FYB1: variants seen among roughly 807,000 people sequenced by gnomAD.
The protein encoded by FYB1 is FYN binding protein 1, also known as FYN-binding protein 1.
Under a neutral mutation model 94.1 loss-of-function variants are expected in FYB1, and 41 were observed. The observed-to-expected ratio is 0.44, with a 90% CI of 0.34 to 0.57. FYB1 has a LOEUF of 0.57. Ranked by LOEUF, FYB1 falls within the 20% of genes least tolerant of loss-of-function variation. The probability of loss-of-function intolerance (pLI) is 0.02; values close to 1 mark genes in which losing one functional copy is unlikely to be tolerated. For synonymous variants in FYB1, 367 were observed against 353.2 expected (o/e 1.04, Z -0.44); for missense variants, 1,050 against 976.8 (o/e 1.07, Z -1.00).
intron 2 of FYB1, among the ~76,000 whole-genome samples, chr5:39,183,598 G>A (rs1406901521): frequency 1.3e-5 from 2 of 152,120 alleles, no homozygotes; most frequent in Non-Finnish European, 2.9e-5. Context: ...TGGTTTACAG[G>A]AAGTTGTTTT....
At chr5:39,115,792 A>G (rs963626974) in intron 16 of FYB1, among the ~76,000 whole-genome samples, 2 of 152,190 alleles carry the variant, frequency 1.3e-5, no homozygotes, top group Non-Finnish European at 2.9e-5. Context: ...TAAGCAGATA[A>G]GGTGATTAAA....
At chr5:39,255,428 C>CTTTTTT (rs1751896083) in intron 1 of FYB1, among the ~76,000 whole-genome samples, 1 of 116,484 alleles carries the variant, frequency 8.6e-6, no homozygotes, top group African/African-American at 4.1e-5. Context: ...ATCCATTCAC[C>CTTTTTT]TGTTTTTTTT....
chr5:39,195,424 G>A (rs1279809218), intron 2 of FYB1, among the ~76,000 whole-genome samples: 2 of 152,196 alleles, frequency 1.3e-5, no homozygotes, highest in Admixed American at 6.5e-5. Flanking sequence ...GATAGCTTTG[G>A]GGCCTGTGAA....
At chr5:39,271,858 T>A (rs183552134) in intron 1 of FYB1, among the ~76,000 whole-genome samples, 3 of 152,032 alleles carry the variant, frequency 2.0e-5, no homozygotes, top group Non-Finnish European at 4.4e-5. Flanking sequence ...ACATGCTTAA[T>A]GAATGAATAG....
chr5:39,134,137 A>C, intron 9 of FYB1, 71 bp downstream of exon 9: 1 of 1,211,370 alleles, frequency 8.3e-7, no homozygotes, highest in Non-Finnish European at 1.2e-6. Context: ...GTAAAATTCT[A>C]GGATCTTAAT....
intron 2 of FYB1, among the ~76,000 whole-genome samples, chr5:39,163,583 T>A (rs924566590): frequency 1.3e-5 from 2 of 152,238 alleles, no homozygotes; most frequent in Non-Finnish European, 2.9e-5. Context: ...CTTTGTTGGT[T>A]ATTCAATTAT....
At chr5:39,273,224 T>TG (rs1752714556) in intron 1 of FYB1, among the ~76,000 whole-genome samples, 1 of 152,192 alleles carries the variant, frequency 6.6e-6, no homozygotes, top group South Asian at 2.1e-4. Context: ...GGGAAAAGAT[T>TG]GAGAAATCGG....
At chr5:39,265,245 G>T (rs577622228) in intron 1 of FYB1, among the ~76,000 whole-genome samples, 1 of 152,156 alleles carries the variant, frequency 6.6e-6, no homozygotes, top group African/African-American at 2.4e-5. Flanking sequence ...ATTCTGGGAG[G>T]CCGAGGCAGG....
intron 2 of FYB1, among the ~76,000 whole-genome samples, chr5:39,198,762 A>G (rs775391537): frequency 6.6e-5 from 10 of 152,110 alleles, no homozygotes; most frequent in Non-Finnish European, 1.3e-4. Context: ...GGTATATTAA[A>G]CGTGTTTTCA....
chr5:39,244,153 C>T (rs1289285239), intron 1 of FYB1, among the ~76,000 whole-genome samples: 6 of 152,150 alleles, frequency 3.9e-5, no homozygotes, highest in Middle Eastern at 3.4e-3. Flanking sequence ...TGCCTGATTG[C>T]CTTGGCCAGA....
chr5:39,225,535 C>T (rs1221406557), intron 1 of FYB1, among the ~76,000 whole-genome samples: 2 of 152,156 alleles, frequency 1.3e-5, no homozygotes, highest in African/African-American at 4.8e-5. Flanking sequence ...GTGGAGCTTT[C>T]TGAACCTTTT....
rs180957515 is a variant in FYB1 at position 39,251,064 on chromosome 5, T to C, written c.-28+23339A>G. 8.5e-4 allele frequency among the ~76,000 whole-genome samples: 130 copies of C among 152,304 alleles called. 3 individuals carry two copies. Among genetic ancestry groups the C allele is most frequent in the African/African-American group, 2.9e-3 (122 of 41,562 alleles). On this transcript the variant is annotated intron_variant, in intron 1 of 1. Coordinates refer to the FYB1 transcript ENST00000510188. ...TTATAGCAACCTTTGAGGATGATTA[T>C]ATTAGGAGAATATTTTACATGTCTT... is the stretch of plus-strand genomic sequence containing the variant.
At chr5:39,177,984 T>C (rs1338025996) in intron 2 of FYB1, among the ~76,000 whole-genome samples, 2 of 152,212 alleles carry the variant, frequency 1.3e-5, no homozygotes, top group African/African-American at 4.8e-5. Context: ...GTAAAATAGC[T>C]TTCCTGCAAA....
At chr5:39,181,110 A>G (rs1746181616) in intron 2 of FYB1, among the ~76,000 whole-genome samples, 2 of 152,176 alleles carry the variant, frequency 1.3e-5, no homozygotes, top group Admixed American at 1.3e-4. Context: ...ATACATATGG[A>G]TTTAGGGACA....
intron 16 of FYB1, among the ~76,000 whole-genome samples, chr5:39,113,526 A>G (rs1739258683): frequency 6.6e-6 from 1 of 152,104 alleles, no homozygotes; most frequent in Non-Finnish European, 1.5e-5. Context: ...TCTTCCCCAA[A>G]TGTTTGCTTG....
intron 1 of FYB1, among the ~76,000 whole-genome samples, chr5:39,258,008 G>A (rs1752038752): frequency 3.3e-5 from 5 of 152,150 alleles, no homozygotes; most frequent in Admixed American, 3.3e-4. Context: ...CACTGGGAAG[G>A]CTTTGTTAAT....
chr5:39,233,236 C>T (rs532306818), intron 1 of FYB1, among the ~76,000 whole-genome samples: 1 of 152,172 alleles, frequency 6.6e-6, no homozygotes, highest in African/African-American at 2.4e-5. Flanking sequence ...GTTTGGTTTA[C>T]AAGGAGGAAG....
At chr5:39,176,681 G>T (rs1169752696) in intron 2 of FYB1, among the ~76,000 whole-genome samples, 1 of 152,188 alleles carries the variant, frequency 6.6e-6, no homozygotes, top group African/African-American at 2.4e-5. Flanking sequence ...TCTCAAAACA[G>T]TCATAAATTG....
At chr5:39,141,170 C>G in intron 3 of FYB1, 29 bp from the exon 4 acceptor site, 1 of 1,497,088 alleles carries the variant, frequency 6.7e-7, no homozygotes, top group South Asian at 1.2e-5. Flanking sequence ...AAACAGTGAA[C>G]ATGGAACAAG....
Sources: gnomAD v4.1 joint callset for allele counts (sites outside exome capture counted in the v4.1 genomes callset) on GRCh38, gnomAD v4.1.1 for gene constraint, MANE v1.5 for transcripts, NCBI Gene and HGNC (gene_info 2026-07-23, HGNC 2026-07-21) for gene names.